The following MRC1 variants were observed in gnomAD, a reference collection of about 807,000 sequenced individuals.
MRC1 encodes macrophage mannose receptor 1.
A neutral mutation model predicts 102.9 loss-of-function variants in MRC1; 62 were observed. The ratio of observed to expected loss-of-function variants is 0.60; its 90% CI spans 0.49 to 0.74. The LOEUF is 0.74. MRC1 is among the 30% of genes least tolerant of loss of function. MRC1 has a pLI of 0.00. For missense variants in MRC1, 1,237 were observed against 862.8 expected (o/e 1.43, Z -5.43); for synonymous variants, 457 against 298.4 (o/e 1.53, Z -5.48).
In MRC1 at chr10:17,849,759, G is replaced by T; in HGVS notation, c.1244G>T (p.Gly415Val). Residue 415 changes from glycine to valine, a missense_variant, in exon 7 of 30, where the codon GGA becomes GTA. By Grantham distance (109) the Gly-to-Val change is moderately radical (BLOSUM62 -3). Transcript: ENST00000569591. ...TTGGACTTTATTATCTCCCAGCTAG[G>T]ATATGGTGAGAAACTTGACAGTGAT... Reference protein sequence around the residue: ...EELDFIISQLGYEPNDELWIG... With the variant: ...EELDFIISQLVYEPNDELWIG... 3.8e-6 allele frequency: 3 copies of T among 780,386 alleles called. No individual in the cohort carries two copies. The South Asian group carries it at 4.0e-5, about 10-fold the overall frequency. 48.3% of individuals were successfully genotyped at this position (780,386 alleles called of 1,614,324 possible). A position where few individuals can be genotyped will look rare whatever the true frequency, so the allele number is the denominator to read the frequency against.
intron 1 of MRC1, among the ~76,000 whole-genome samples, chr10:17,820,552 A>G (rs1323342691): frequency 5.9e-5 from 9 of 152,334 alleles, no homozygotes; most frequent in African/African-American, 2.2e-4. Context: ...ACTGAATTTG[A>G]CCAGTTAATA....
chr10:17,878,309 A>G (rs1197174832), intron 18 of MRC1, among the ~76,000 whole-genome samples: 1 of 152,178 alleles, frequency 6.6e-6, no homozygotes, highest in Non-Finnish European at 1.5e-5. Flanking sequence ...CCCATCTGGG[A>G]TGATAACCTT....
intron 13 of MRC1, 25 bp downstream of exon 13, chr10:17,870,398 T>C (rs948641912): frequency 9.0e-6 from 7 of 779,978 alleles, no homozygotes; most frequent in Non-Finnish European, 1.7e-5. Flanking sequence ...TATGGATTCC[T>C]CCTTTTTGTT....
chr10:17,869,541 G>T (rs978813419), intron 12 of MRC1, among the ~76,000 whole-genome samples: 3 of 152,132 alleles, frequency 2.0e-5, no homozygotes, highest in Non-Finnish European at 2.9e-5. Flanking sequence ...GCATACTGGT[G>T]GGTGTGTCCC....
chr10:17,910,574 G>C lies in MRC1; in HGVS notation c.*109G>C. The C allele has an allele frequency of 2.7e-6, 2 of 747,830 alleles. No individual in the cohort carries two copies. Among genetic ancestry groups the C allele is most frequent in the Non-Finnish European group, 2.5e-6 (1 of 404,196 alleles). The allele number at this position is 747,830 out of a possible 1,614,324, so 46.3% of individuals were successfully genotyped here. On this transcript the variant is annotated 3_prime_UTR_variant, in exon 30 of 30. Transcript: ENST00000569591. ...TTTAAAATGAGTACTGAATTGTACT[G>C]GTCTGTCCTTTTTTCCTTTGCCTAA...
At chr10:17,854,211 C>G (rs1280478879) in intron 8 of MRC1, among the ~76,000 whole-genome samples, 2 of 152,218 alleles carry the variant, frequency 1.3e-5, no homozygotes, top group Non-Finnish European at 1.5e-5. Flanking sequence ...CTCAGCCTCC[C>G]AAAGTGTTGA....
At chr10:17,864,793 C>A (rs1171739393) in intron 11 of MRC1, among the ~76,000 whole-genome samples, 1 of 142,920 alleles carries the variant, frequency 7.0e-6, no homozygotes, top group African/African-American at 2.7e-5. Context: ...TGTGCCATTG[C>A]ACTCCAGCCT....
chr10:17,811,361 T>C (rs1386340049), intron 1 of MRC1, among the ~76,000 whole-genome samples: 3 of 152,162 alleles, frequency 2.0e-5, no homozygotes, highest in African/African-American at 7.2e-5. Flanking sequence ...TGAGCAATAG[T>C]GTTTCTCGGT....
At chr10:17,822,118 C>A (rs1176106247) in intron 1 of MRC1, among the ~76,000 whole-genome samples, 1 of 152,138 alleles carries the variant, frequency 6.6e-6, no homozygotes, top group Non-Finnish European at 1.5e-5. Flanking sequence ...CAGCTAGCAG[C>A]TATGTGCTGT....
intron 7 of MRC1, among the ~76,000 whole-genome samples, chr10:17,851,297 GATTTT>G (rs1183512198): frequency 2.0e-5 from 3 of 151,898 alleles, no homozygotes; most frequent in African/African-American, 7.2e-5. Flanking sequence ...TTATTGATAA[GATTTT>G]ATTTTAAACA....
rs1224576399 is a variant in MRC1, at chr10:17,864,223, G to A, written c.1783+541G>A. On this transcript the variant is annotated intron_variant, in intron 11 of 29. Coordinates refer to ENST00000569591, the MANE Select transcript of MRC1 (RefSeq NM_002438.4). ...TCACCATGTTGGCCAGGCTGGTCTC[G>A]AACTCCTCGCCTCAAGTGATCTGCC... 5.9e-5 allele frequency among the ~76,000 whole-genome samples: 9 copies of A among 152,140 alleles called. No individual in the cohort carries two copies. The South Asian group carries it at 6.2e-4, about 11-fold the overall frequency.
chr10:17,861,276 G>GGAA, intron 9 of MRC1, 111 bp from the exon 10 acceptor site: 1 of 592,730 alleles, frequency 1.7e-6, no homozygotes, highest in South Asian at 2.1e-5. Flanking sequence ...TTGCGCCATT[G>GGAA]TACTCCAGCC....
At chr10:17,819,178 A>G (rs797035167) in intron 1 of MRC1, among the ~76,000 whole-genome samples, 245 of 152,286 alleles carry the variant, frequency 1.6e-3, no homozygotes, top group South Asian at 0.015. Flanking sequence ...GGCAATCTGC[A>G]AAAGAGATGG....
chr10:17,881,615 G>T (rs926247013), intron 21 of MRC1, among the ~76,000 whole-genome samples: 1 of 149,712 alleles, frequency 6.7e-6, no homozygotes, highest in East Asian at 2.0e-4. Flanking sequence ...CTTGATCATA[G>T]AACTTGTAAT....
chr10:17,885,162 C>A, intron 21 of MRC1, 107 bp from the exon 22 acceptor site: 1 of 754,018 alleles, frequency 1.3e-6, no homozygotes, highest in Non-Finnish European at 2.5e-6. Flanking sequence ...GTAACAATGA[C>A]ACAAGTCACA....
In MRC1 at chr10:17,813,662, T is replaced by TACACACAC. The variant is rs1189019911; in HGVS notation, c.61+4148_61+4155dup. ...ATATAAATATATACATATATATATA[T>TACACACAC]ACACACACACACACACACATTATAT... On this transcript the variant is annotated intron_variant, in intron 1 of 29. Coordinates refer to ENST00000569591, the MANE Select transcript of MRC1 (RefSeq NM_002438.4). 2.0e-3 allele frequency among the ~76,000 whole-genome samples: 281 copies of TACACACAC among 138,512 alleles called. 10 individuals carry two copies. In the East Asian group the frequency reaches 0.038, roughly 19 times the overall value. The allele number at this position is 138,512 out of a possible 152,430, so 90.9% of individuals were successfully genotyped here.
intron 1 of MRC1, among the ~76,000 whole-genome samples, chr10:17,815,158 A>C (rs1347208106): frequency 1.3e-5 from 2 of 152,144 alleles, no homozygotes; most frequent in African/African-American, 2.4e-5. Flanking sequence ...TCTCACGACA[A>C]TGAGGAGGTC....
At chr10:17,870,397 C>T (rs1833337767) in intron 13 of MRC1, 24 bp downstream of exon 13, 2 of 779,832 alleles carry the variant, frequency 2.6e-6, no homozygotes, top group African/African-American at 1.7e-5. Context: ...TTATGGATTC[C>T]TCCTTTTTGT....
intron 21 of MRC1, among the ~76,000 whole-genome samples, chr10:17,884,854 G>C (rs1434466116): frequency 6.6e-6 from 1 of 152,176 alleles, no homozygotes; most frequent in Non-Finnish European, 1.5e-5. Flanking sequence ...TGGGTTAAGA[G>C]TCCTTTGTCC....
Sources: allele counts gnomAD v4.1 joint callset (sites outside exome capture counted in the v4.1 genomes callset), GRCh38; gene constraint gnomAD v4.1.1; transcripts MANE v1.5; gene names NCBI Gene and HGNC (gene_info 2026-07-23, HGNC 2026-07-21).